CNIH3: variants seen among roughly 807,000 people sequenced by gnomAD.
The protein encoded by CNIH3 is cornichon family AMPA receptor auxiliary protein 3, also known as protein cornichon homolog 3.
A neutral mutation model predicts 24.1 loss-of-function variants in CNIH3; 14 were observed. The ratio of observed to expected loss-of-function variants is 0.58; its 90% CI spans 0.38 to 0.91. The LOEUF (loss-of-function observed/expected upper bound fraction) is 0.91, where lower values mean the gene tolerates loss of function less well. CNIH3 is among the 40% of genes least tolerant of loss of function. The probability of loss-of-function intolerance (pLI) is 0.00; values close to 1 mark genes in which losing one functional copy is unlikely to be tolerated. For synonymous variants in CNIH3, 68 were observed against 73.8 expected (o/e 0.92, Z 0.40); for missense variants, 178 against 196.8 (o/e 0.90, Z 0.57).
At chr1:224,685,390 C>T (rs1031119444) in intron 3 of CNIH3, among the ~76,000 whole-genome samples, 6 of 152,168 alleles carry the variant, frequency 3.9e-5, no homozygotes, top group African/African-American at 1.4e-4. Context: ...GTTACAGCTT[C>T]CCCAGACTCA....
At chr1:224,514,380 C>T (rs192669286), upstream of CNIH3, among the ~76,000 whole-genome samples, 202 of 152,186 alleles carry the variant, frequency 1.3e-3, no homozygotes, top group African/African-American at 4.5e-3. Context: ...TACACTCCAG[C>T]CCCCAGTTTT....
At chr1:224,589,555 C>T (rs1029270394), downstream of CNIH3, among the ~76,000 whole-genome samples, 2 of 152,204 alleles carry the variant, frequency 1.3e-5, no homozygotes, top group South Asian at 2.1e-4. Flanking sequence ...TGTTGACATT[C>T]AAACACCTTT....
At chr1:224,565,996 G>A (rs1039061492) in intron 3 of CNIH3, among the ~76,000 whole-genome samples, 2 of 150,438 alleles carry the variant, frequency 1.3e-5, no homozygotes, top group South Asian at 2.1e-4. Context: ...ATCTTCTGGA[G>A]CACCAGTGAA....
At chr1:224,697,061 C>T (rs1037423927) in intron 3 of CNIH3, among the ~76,000 whole-genome samples, 12 of 152,222 alleles carry the variant, frequency 7.9e-5, no homozygotes, top group African/African-American at 2.7e-4. Flanking sequence ...CTGGCAACCA[C>T]AAATACCATG....
intron 3 of CNIH3, among the ~76,000 whole-genome samples, chr1:224,714,831 C>T (rs115869662): frequency 9.7e-4 from 147 of 152,316 alleles, no homozygotes; most frequent in African/African-American, 3.4e-3. Flanking sequence ...AGGAGAAGCA[C>T]GGACTGTCCC....
chr1:224,487,719 G>A (rs1032056241), intron 1 of CNIH3, among the ~76,000 whole-genome samples: 3 of 152,202 alleles, frequency 2.0e-5, no homozygotes, highest in African/African-American at 7.2e-5. Flanking sequence ...GGTTCTGGAA[G>A]GATGTACCTG....
At chr1:224,574,611 CG>C in intron 4 of CNIH3, 2 of 833,666 alleles carry the variant, frequency 2.4e-6, no homozygotes, top group Non-Finnish European at 4.3e-6. Flanking sequence ...GGTGGCCATT[CG>C]GGAGAAGCTC....
At chr1:224,655,827 T>C (rs1685071048) in intron 1 of CNIH3, among the ~76,000 whole-genome samples, 1 of 152,044 alleles carries the variant, frequency 6.6e-6, no homozygotes, top group Non-Finnish European at 1.5e-5. Flanking sequence ...GTTTGTATAA[T>C]GGGGAAGGAG....
chr1:224,706,704 A>G (rs1687829774), intron 3 of CNIH3, among the ~76,000 whole-genome samples: 1 of 152,180 alleles, frequency 6.6e-6, no homozygotes, highest in Admixed American at 6.5e-5. Flanking sequence ...AAGGTAAACA[A>G]AAGTGCAGAG....
At chr1:224,672,503 C>T (rs1558277383) in intron 1 of CNIH3, among the ~76,000 whole-genome samples, 1 of 152,164 alleles carries the variant, frequency 6.6e-6, no homozygotes, top group Non-Finnish European at 1.5e-5. Flanking sequence ...GGGCCATGTT[C>T]CCTCCAAATG....
At chr1:224,718,658 C>T (rs934990192) in intron 3 of CNIH3, among the ~76,000 whole-genome samples, 10 of 152,098 alleles carry the variant, frequency 6.6e-5, no homozygotes, top group African/African-American at 2.4e-4. Flanking sequence ...TGGGAGGAGG[C>T]AGGGACGGGG....
At chr1:224,723,585 T>C (rs1016558836) in intron 3 of CNIH3, among the ~76,000 whole-genome samples, 9 of 152,224 alleles carry the variant, frequency 5.9e-5, no homozygotes, top group African/African-American at 2.2e-4. Flanking sequence ...CACTGACCAC[T>C]GGGCCTCCCC....
chr1:224,540,373 G>T (rs1039266), downstream of CNIH3, among the ~76,000 whole-genome samples: 240 of 152,208 alleles, frequency 1.6e-3, 1 homozygote, highest in South Asian at 0.012. Flanking sequence ...TGCAAAGTGG[G>T]GCTAATTCAA....
At chr1:224,657,487 C>G (rs1398375268) in intron 1 of CNIH3, among the ~76,000 whole-genome samples, 1 of 152,086 alleles carries the variant, frequency 6.6e-6, no homozygotes, top group Non-Finnish European at 1.5e-5. Context: ...TTGTTAAAGG[C>G]TATCAATAGC....
chr1:224,706,907 T>C (rs939752615), intron 3 of CNIH3, among the ~76,000 whole-genome samples: 1 of 152,032 alleles, frequency 6.6e-6, no homozygotes, highest in Non-Finnish European at 1.5e-5. Flanking sequence ...CATATTATTA[T>C]GTACTTTAAA....
At chr1:224,497,223 G>A (rs1677474286) in intron 1 of CNIH3, among the ~76,000 whole-genome samples, 1 of 152,200 alleles carries the variant, frequency 6.6e-6, no homozygotes, top group South Asian at 2.1e-4. Context: ...GGCATAGGGA[G>A]GAATTGGGAG....
chr1:224,615,132 A>G (rs569069426), upstream of CNIH3: 36 of 152,176 alleles, frequency 2.4e-4, no homozygotes, highest in East Asian at 6.2e-3. Context: ...AGGCATTGGA[A>G]TCACATCTGT....
chr1:224,520,074 A>G (rs924309896), intron 1 of CNIH3, among the ~76,000 whole-genome samples: 2 of 152,202 alleles, frequency 1.3e-5, no homozygotes, highest in African/African-American at 2.4e-5. Context: ...GTGACTCAAC[A>G]ACAGCTGCAT....
intron 2 of CNIH3, among the ~76,000 whole-genome samples, chr1:224,543,504 G>A (rs1015392549): frequency 6.6e-6 from 1 of 152,160 alleles, no homozygotes; most frequent in African/African-American, 2.4e-5. Flanking sequence ...CCTCAAACTT[G>A]CAGCTGGTTT....
Sources: allele counts gnomAD v4.1 joint callset (sites outside exome capture counted in the v4.1 genomes callset), GRCh38; gene constraint gnomAD v4.1.1; transcripts MANE v1.5; gene names NCBI Gene and HGNC (gene_info 2026-07-23, HGNC 2026-07-21).